The following TRA2A variants were observed in gnomAD, a reference collection of about 807,000 sequenced individuals.
TRA2A encodes the protein transformer-2 protein homolog alpha.
Under a neutral mutation model 45.7 loss-of-function variants are expected in TRA2A, and 31 were observed. The observed-to-expected ratio is 0.68, with a 90% CI of 0.51 to 0.92. TRA2A has a LOEUF of 0.92. TRA2A is among the 40% of genes least tolerant of loss of function. The pLI is 0.00. For missense variants in TRA2A, 304 were observed against 367.5 expected (o/e 0.83, Z 1.41); for synonymous variants, 132 against 126.2 (o/e 1.05, Z -0.31).
At chr7:23,525,908 C>CTATTCTTTAT (rs1205329992) in intron 1 of TRA2A, among the ~76,000 whole-genome samples, 1 of 152,132 alleles carries the variant, frequency 6.6e-6, no homozygotes, top group Non-Finnish European at 1.5e-5. Context: ...CTTGTTTAAA[C>CTATTCTTTAT]TATTCTTTAT....
intron 4 of TRA2A, 88 bp downstream of exon 4, chr7:23,512,806 A>T: frequency 1.9e-6 from 2 of 1,059,614 alleles, no homozygotes; most frequent in Non-Finnish European, 2.6e-6. Context: ...GGAAGAAAAA[A>T]GGATGCAATG....
rs763346975 is a variant in TRA2A, at chr7:23,521,725, C to T, written c.152G>A (p.Arg51Gln). The T allele has an allele frequency of 7.4e-6, 12 of 1,613,916 alleles. No homozygotes were observed. The highest frequency in any genetic ancestry group is 1.1e-5 in the South Asian group (1 of 91,074). Residue 51 changes from arginine to glutamine, a missense_variant, in exon 2 of 8, where the codon CGA becomes CAA. Arg to Gln is a conservative substitution (Grantham distance 43). Coordinates refer to ENST00000297071, the MANE Select transcript of TRA2A (RefSeq NM_013293.5). ...CACTTACCTGGATTTTGATCTTGATCGAGAATGGGATTCAGAGTGTTTGGA... is the reference window on the plus strand; with the variant it reads ...CACTTACCTGGATTTTGATCTTGATTGAGAATGGGATTCAGAGTGTTTGGA... ...RVSKHSESHS[R>Q]SRSKSRSRSR... is the part of the protein sequence containing the mutation.
intron 1 of TRA2A, among the ~76,000 whole-genome samples, chr7:23,522,866 T>G (rs1463263037): frequency 6.6e-6 from 1 of 152,136 alleles, no homozygotes; most frequent in Non-Finnish European, 1.5e-5. Context: ...CATCCCAGGC[T>G]GAAATATTTG....
chr7:23,522,010 C>T (rs1790157498), intron 1 of TRA2A, 170 bp from the exon 2 acceptor site: 1 of 1,404,664 alleles, frequency 7.1e-7, no homozygotes. Context: ...ATACTGCTAA[C>T]TGTCCTCAAT....
chr7:23,515,839 C>T (rs903990012), intron 3 of TRA2A, among the ~76,000 whole-genome samples: 7 of 151,952 alleles, frequency 4.6e-5, no homozygotes, highest in African/African-American at 1.7e-4. Context: ...AGCCACCACG[C>T]CCAGCCTTCA....
At chr7:23,509,959 G>T (rs1179197133) in intron 4 of TRA2A, among the ~76,000 whole-genome samples, 1 of 152,174 alleles carries the variant, frequency 6.6e-6, no homozygotes, top group Non-Finnish European at 1.5e-5. Flanking sequence ...CTGGGAGGCG[G>T]AAGTTGCAGT....
intron 1 of TRA2A, 139 bp downstream of exon 1, chr7:23,531,650 G>T: frequency 1.2e-6 from 1 of 858,508 alleles, no homozygotes; most frequent in Non-Finnish European, 1.8e-6. Flanking sequence ...AGCCATCTTG[G>T]GATGGGAGGA....
chr7:23,512,382 G>T (rs144569405), intron 4 of TRA2A, among the ~76,000 whole-genome samples: 1 of 152,164 alleles, frequency 6.6e-6, no homozygotes, highest in Non-Finnish European at 1.5e-5. Context: ...TACTCAGGAG[G>T]CTGAGGTAGG....
At chr7:23,507,128 G>T (rs184965301) in intron 5 of TRA2A, 2 of 318,516 alleles carry the variant, frequency 6.3e-6, no homozygotes, top group Non-Finnish European at 1.2e-5. Context: ...CCCTACTTAT[G>T]TTTTTTTTCT....
At chr7:23,524,389 G>A (rs1790257182) in intron 1 of TRA2A, among the ~76,000 whole-genome samples, 3 of 152,054 alleles carry the variant, frequency 2.0e-5, no homozygotes, top group Admixed American at 2.0e-4. Flanking sequence ...TTCCCATGTT[G>A]GCCAGGCTGG....
At chr7:23,527,406 C>T (rs1790382379) in intron 1 of TRA2A, among the ~76,000 whole-genome samples, 1 of 152,028 alleles carries the variant, frequency 6.6e-6, no homozygotes, top group African/African-American at 2.4e-5. Flanking sequence ...TTTTCACCTC[C>T]ATGCCTGTCT....
intron 4 of TRA2A, 64 bp downstream of exon 4, chr7:23,512,830 G>T: frequency 8.7e-7 from 1 of 1,144,408 alleles, no homozygotes; most frequent in Non-Finnish European, 1.2e-6. Context: ...ACAGAAATAA[G>T]TCTATTAATC....
intron 1 of TRA2A, among the ~76,000 whole-genome samples, chr7:23,529,989 A>T (rs1790504738): frequency 1.3e-5 from 2 of 151,704 alleles, no homozygotes; most frequent in South Asian, 4.2e-4. Context: ...ATGATAAATT[A>T]AAAAAAGAAA....
chr7:23,529,377 C>G (rs983977423), intron 1 of TRA2A, among the ~76,000 whole-genome samples: 8 of 152,148 alleles, frequency 5.3e-5, no homozygotes, highest in South Asian at 2.1e-4. Context: ...TCTCCTGCCT[C>G]AGCCTCCTAA....
At chr7:23,519,029 T>A (rs765442427) in intron 2 of TRA2A, among the ~76,000 whole-genome samples, 1 of 152,178 alleles carries the variant, frequency 6.6e-6, no homozygotes, top group African/African-American at 2.4e-5. Flanking sequence ...ATTTCACTTG[T>A]CTACTGCTGC....
intron 1 of TRA2A, chr7:23,522,458 T>C (rs1480981203): frequency 8.7e-7 from 1 of 1,147,620 alleles, no homozygotes; most frequent in East Asian, 7.2e-5. Flanking sequence ...ACATTTAGTA[T>C]ATTTAAGCAC....
At chr7:23,507,136 T>TC in intron 5 of TRA2A, 1 of 352,004 alleles carries the variant, frequency 2.8e-6, no homozygotes, top group Non-Finnish European at 5.1e-6. Context: ...ATGTTTTTTT[T>TC]CTTTTTTGAG....
chr7:23,515,722 T>C (rs1024213031), intron 3 of TRA2A, among the ~76,000 whole-genome samples: 16 of 151,148 alleles, frequency 1.1e-4, no homozygotes, highest in African/African-American at 3.9e-4. Flanking sequence ...ATTTTTGTAT[T>C]TTTAGCAGAG....
chr7:23,513,138 A>C, intron 3 of TRA2A, 56 bp from the exon 4 acceptor site: 2 of 1,283,268 alleles, frequency 1.6e-6, no homozygotes, highest in Non-Finnish European at 2.2e-6. Flanking sequence ...TCAAAGAAAC[A>C]CAGAAATACT....
Sources: allele counts gnomAD v4.1 joint callset (sites outside exome capture counted in the v4.1 genomes callset), GRCh38; gene constraint gnomAD v4.1.1; transcripts MANE v1.5; gene names NCBI Gene and HGNC (gene_info 2026-07-23, HGNC 2026-07-21).